ZMYND12: variants seen among roughly 807,000 people sequenced by gnomAD.
The protein encoded by ZMYND12 is zinc finger MYND domain-containing protein 12.
Under a neutral mutation model 41.7 loss-of-function variants are expected in ZMYND12, and 32 were observed. The observed-to-expected ratio is 0.77, with a 90% CI of 0.58 to 1.03. The LOEUF is 1.03. Among genes scored for constraint, ZMYND12 ranks in the 50% least tolerant of loss-of-function variants. ZMYND12 has a pLI of 0.00. For synonymous variants in ZMYND12, 148 were observed against 164.8 expected, an observed-to-expected ratio of 0.90 and a Z score of 0.78; for missense variants, 424 against 438.5, an observed-to-expected ratio of 0.97 and a Z score of 0.30.
chr1:42,445,075 T>C (rs2148408331), intron 3 of ZMYND12, among the ~76,000 whole-genome samples: 1 of 151,416 alleles, frequency 6.6e-6, no homozygotes, highest in Middle Eastern at 3.4e-3. Flanking sequence ...GCCAAAGTGC[T>C]GGGATTACAG....
chr1:42,441,769 C>T (rs551749098), intron 3 of ZMYND12, among the ~76,000 whole-genome samples: 15 of 151,966 alleles, frequency 9.9e-5, no homozygotes, highest in African/African-American at 3.4e-4. Context: ...TACAGGCGCC[C>T]GCCACTACGC....
intron 6 of ZMYND12, 104 bp from the exon 7 acceptor site, chr1:42,433,392 CAAGGGCACTGGTGGAAATAGCACCAATT>C: frequency 7.5e-6 from 10 of 1,336,942 alleles, no homozygotes; most frequent in Non-Finnish European, 1.0e-5. Context: ...GAAGCCTTCC[CAAGGGCACTGGTGGAAATAGCACCAATT>C]ACAGCAAGTT....
chr1:42,435,225 T>C (rs750063891), intron 6 of ZMYND12, 49 bp downstream of exon 6: 14 of 1,385,468 alleles, frequency 1.0e-5, no homozygotes, highest in Non-Finnish European at 1.4e-5. Flanking sequence ...GTCTGTGTAT[T>C]GGGTGAGATG....
At chr1:42,435,664 C>T (rs529841751) in intron 5 of ZMYND12, 15 of 271,100 alleles carry the variant, frequency 5.5e-5, no homozygotes, top group Middle Eastern at 2.2e-3. Flanking sequence ...ACACACAACA[C>T]GAAACCTTCA....
chr1:42,444,703 C>T (rs962516092), intron 3 of ZMYND12, among the ~76,000 whole-genome samples: 12 of 152,114 alleles, frequency 7.9e-5, no homozygotes, highest in Non-Finnish European at 1.5e-4. Context: ...TCCAGTTCTC[C>T]CCTGAGCTTA....
chr1:42,446,736 ACTCCCTAAC>A (rs780333364), intron 3 of ZMYND12, among the ~76,000 whole-genome samples: 1 of 152,002 alleles, frequency 6.6e-6, no homozygotes, highest in Non-Finnish European at 1.5e-5. Context: ...ATTTACACTT[ACTCCCTAAC>A]TCCACTGAGA....
In ZMYND12 at chr1:42,436,466, G is replaced by C. The variant is rs1219333628; in HGVS notation, c.672C>G (p.Phe224Leu). 1 of 1,613,774 alleles carries C rather than the reference G, an allele frequency of 6.2e-7. No individual in the cohort carries two copies. Among genetic ancestry groups the C allele is most frequent in the African/African-American group, 1.3e-5 (1 of 75,032 alleles). ...SGGYFHLANIFYDLKKLDLAD... is the reference protein window; with the variant it reads ...SGGYFHLANILYDLKKLDLAD... Reference sequence around the variant, plus strand: ...CCAGGTCCAACTTTTTAAGGTCATAGAATATATTAGCCAGGTGGAAGTAGC... The same window carrying C: ...CCAGGTCCAACTTTTTAAGGTCATACAATATATTAGCCAGGTGGAAGTAGC... The change falls in exon 5 of 8, where the codon TTC becomes TTG. Residue 224 changes from phenylalanine (F) to leucine (L), a missense_variant. Phe to Leu is a conservative substitution (Grantham distance 22). Coordinates refer to ENST00000372565, the MANE Select transcript of ZMYND12 (RefSeq NM_032257.5).
At position 42,448,530 on chromosome 1, in the gene ZMYND12, G is replaced by A; in HGVS notation, c.361C>T (p.Leu121=). The part of the protein sequence containing the change: ...ALQSLRFRVK[L]YGLSSVELVP... ...AGCTCTACGGAGCTCAGGCCATACA[G>A]CTTCACACGGAAGCGAAGGGACTGC... is the stretch of plus-strand genomic sequence containing the variant. Residue 121 remains leucine, a synonymous_variant, in exon 3 of 8, where the codon CTG becomes TTG. Transcript: ENST00000372565. The A allele has an allele frequency of 6.2e-7, 1 of 1,613,812 alleles. No homozygotes were observed. Among genetic ancestry groups the A allele is most frequent in the Non-Finnish European group, 8.5e-7 (1 of 1,179,846 alleles).
chr1:42,430,601 C>G lies in ZMYND12; in HGVS notation c.*135G>C. The G allele has an allele frequency of 8.7e-7, 1 of 1,149,256 alleles. No individual in the cohort carries two copies. Among genetic ancestry groups the G allele is most frequent in the Middle Eastern group, 2.1e-4 (1 of 4,800 alleles). 71.2% of individuals were successfully genotyped at this position (1,149,256 alleles called of 1,614,324 possible). A position where few individuals can be genotyped will look rare whatever the true frequency, so the allele number is the denominator to read the frequency against. Reference sequence around the variant, plus strand: ...ATGCTGTGTAAGAAAAAAATAACAGCTATGTGTGCAATCCCAGGGGAAGAG... The same window carrying G: ...ATGCTGTGTAAGAAAAAAATAACAGGTATGTGTGCAATCCCAGGGGAAGAG... On this transcript the variant is annotated 3_prime_UTR_variant, in exon 8 of 8. Coordinates refer to ENST00000372565, the MANE Select transcript of ZMYND12 (RefSeq NM_032257.5).
chr1:42,430,974 A>C, intron 7 of ZMYND12, 116 bp from the exon 8 acceptor site: 1 of 1,383,838 alleles, frequency 7.2e-7, no homozygotes, highest in Non-Finnish European at 9.8e-7. Flanking sequence ...TTTTCACACC[A>C]CCCACTGAGC....
At chr1:42,445,665 G>A (rs968471038) in intron 3 of ZMYND12, among the ~76,000 whole-genome samples, 2 of 151,992 alleles carry the variant, frequency 1.3e-5, no homozygotes, top group Non-Finnish European at 2.9e-5. Flanking sequence ...TGGAAGGGAG[G>A]GAGAAAATAA....
At chr1:42,448,789 A>C (rs772622225) in intron 2 of ZMYND12, 151 bp from the exon 3 acceptor site, 1 of 649,100 alleles carries the variant, frequency 1.5e-6, no homozygotes, top group Non-Finnish European at 2.4e-6. Flanking sequence ...GAAGCCCCAC[A>C]TAAGTGATAT....
chr1:42,449,420 G>A (rs1557770934), intron 2 of ZMYND12, among the ~76,000 whole-genome samples: 1 of 152,178 alleles, frequency 6.6e-6, no homozygotes, highest in Admixed American at 6.5e-5. Flanking sequence ...TGGAGCTAGG[G>A]CCTGTAGAGT....
intron 5 of ZMYND12, among the ~76,000 whole-genome samples, chr1:42,436,132 C>T (rs1642905731): frequency 6.6e-6 from 1 of 152,150 alleles, no homozygotes; most frequent in African/African-American, 2.4e-5. Flanking sequence ...ATGGGTATGA[C>T]ACAGCATACA....
rs1175306108 is a variant in ZMYND12, at chr1:42,439,916, C to T, written c.534G>A (p.Leu178=). 6.2e-7 allele frequency: 1 copy of T among 1,614,050 alleles called. No homozygotes were observed. The highest frequency in any genetic ancestry group is 1.7e-5 in the Admixed American group (1 of 59,994). The change falls in exon 4 of 8, where the codon CTG becomes CTA. Residue 178 remains leucine (L), a synonymous_variant. Coordinates refer to ENST00000372565, the MANE Select transcript of ZMYND12 (RefSeq NM_032257.5). ...TTTTCTTAGCTATATAGAGAAGTCC[C>T]AGATTCCGATGCAGTAAAGAGTGGG... is the stretch of plus-strand genomic sequence containing the variant. ...NATHSLLHRN[L]GLLYIAKKNY...
chr1:42,438,317 C>T (rs1227394646), intron 4 of ZMYND12, among the ~76,000 whole-genome samples: 16 of 152,166 alleles, frequency 1.1e-4, no homozygotes, highest in Admixed American at 1.0e-3. Flanking sequence ...CCAACAAGGG[C>T]TAGGGAAAAG....
At chr1:42,453,623 G>A (rs977201557) in intron 1 of ZMYND12, among the ~76,000 whole-genome samples, 1 of 152,198 alleles carries the variant, frequency 6.6e-6, no homozygotes, top group South Asian at 2.1e-4. Flanking sequence ...ATTACTTCCG[G>A]CTGGAGGGAT....
chr1:42,455,181 A>C (rs1643143451), intron 1 of ZMYND12, among the ~76,000 whole-genome samples: 2 of 152,330 alleles, frequency 1.3e-5, no homozygotes, highest in South Asian at 4.1e-4. Flanking sequence ...GATGCCGGGA[A>C]TGCCCTACCC....
rs866216804 is a variant in ZMYND12, at chr1:42,434,287, G to A, written c.829+987C>T. 5.9e-5 allele frequency among the ~76,000 whole-genome samples: 9 copies of A among 152,258 alleles called. No homozygotes were observed. The Middle Eastern group carries it at 0.01, about 173-fold the overall frequency. On this transcript the variant is annotated intron_variant, in intron 6 of 7. Coordinates refer to ENST00000372565, the MANE Select transcript of ZMYND12 (RefSeq NM_032257.5). ...TCAACACTTAGCCCTTTGCTGGCCC[G>A]GGGAATACAGTTTAATCCAACTGGG...
Sources: gnomAD v4.1 joint callset for allele counts (sites outside exome capture counted in the v4.1 genomes callset) on GRCh38, gnomAD v4.1.1 for gene constraint, MANE v1.5 for transcripts, NCBI Gene and HGNC (gene_info 2026-07-23, HGNC 2026-07-21) for gene names.